The following NTN1 variants were observed in gnomAD, a reference collection of about 807,000 sequenced individuals.
NTN1 encodes netrin-1.
NTN1 carries 11 observed loss-of-function variants against 54.2 expected under a neutral mutation model. The observed-to-expected ratio is 0.20, with a 90% CI of 0.13 to 0.34. NTN1 has a LOEUF of 0.34. NTN1 is among the 10% of genes least tolerant of loss of function. The pLI, the probability that NTN1 is intolerant of heterozygous loss-of-function variation, is 1.00. For missense variants in NTN1, 740 were observed against 893.1 expected (o/e 0.83, Z 2.18); for synonymous variants, 371 against 382.0 (o/e 0.97, Z 0.33).
chr17:9,234,964 GTT>G (rs10650921), intron 6 of NTN1, among the ~76,000 whole-genome samples: 1 of 130,062 alleles, frequency 7.7e-6, no homozygotes. Flanking sequence ...TTGTTTTTTG[GTT>G]TTTTTTTTTT....
upstream of NTN1, among the ~76,000 whole-genome samples, chr17:9,017,944 A>G (rs1211013294): frequency 1.3e-5 from 2 of 152,196 alleles, no homozygotes; most frequent in Non-Finnish European, 2.9e-5. Flanking sequence ...AACTGGGAAC[A>G]TTTTGCCCAG....
rs74769332 is a variant in NTN1 at position 9,119,347 on chromosome 17, C to G, written c.1019-43466C>G. Among the ~76,000 whole-genome samples, 888 of 152,116 alleles carry G rather than the reference C, an allele frequency of 5.8e-3. 10 individuals carry two copies. Among genetic ancestry groups the G allele is most frequent in the African/African-American group, 0.02 (841 of 41,492 alleles). On this transcript the variant is annotated intron_variant, in intron 2 of 6. Transcript: ENST00000173229. The stretch of plus-strand genomic sequence containing the variant: ...GGATTACAGGCACACACCACCACTC[C>G]CAGCTAATTTTTGTATTTTAAGTAG...
At chr17:9,114,630 G>A (rs1262106510) in intron 2 of NTN1, among the ~76,000 whole-genome samples, 1 of 152,058 alleles carries the variant, frequency 6.6e-6, no homozygotes, top group East Asian at 1.9e-4. Flanking sequence ...GCGGGTGCCT[G>A]TAATCCCAGC....
At chr17:9,104,513 G>A (rs572858972) in intron 2 of NTN1, among the ~76,000 whole-genome samples, 1 of 152,300 alleles carries the variant, frequency 6.6e-6, no homozygotes, top group South Asian at 2.1e-4. Context: ...GCCCGGCAGG[G>A]GAGCTGTGAG....
At chr17:9,102,018 A>G (rs1161704301) in intron 2 of NTN1, among the ~76,000 whole-genome samples, 1 of 152,208 alleles carries the variant, frequency 6.6e-6, no homozygotes, top group Non-Finnish European at 1.5e-5. Context: ...AAGAGGAAAT[A>G]ATAAACATGA....
intron 2 of NTN1, among the ~76,000 whole-genome samples, chr17:9,105,662 C>T (rs963217166): frequency 5.4e-5 from 8 of 147,242 alleles, no homozygotes; most frequent in African/African-American, 2.0e-4. Context: ...CTCTCTCTTT[C>T]TCTCTCTCTC....
chr17:9,084,065 G>A (rs1394416787), intron 2 of NTN1, among the ~76,000 whole-genome samples: 2 of 146,360 alleles, frequency 1.4e-5, no homozygotes, highest in Non-Finnish European at 3.0e-5. Context: ...TCTTTTAGAT[G>A]GAAAGCTTCC....
chr17:9,078,318 G>T (rs1188950760), intron 2 of NTN1, among the ~76,000 whole-genome samples: 1 of 152,188 alleles, frequency 6.6e-6, no homozygotes, highest in Non-Finnish European at 1.5e-5. Context: ...GGGGCAGTGG[G>T]ATCGTTAGGA....
chr17:9,063,717 T>A (rs1304920628), intron 2 of NTN1, among the ~76,000 whole-genome samples: 1 of 152,046 alleles, frequency 6.6e-6, no homozygotes, highest in Non-Finnish European at 1.5e-5. Context: ...CTGGCTAATT[T>A]TTTTGTATTT....
chr17:9,030,543 G>A (rs1408655244), intron 2 of NTN1, among the ~76,000 whole-genome samples: 6 of 152,062 alleles, frequency 3.9e-5, no homozygotes, highest in Admixed American at 2.0e-4. Context: ...TCAGGAGTTC[G>A]AAACCAGTCT....
rs2091857209 is a variant in NTN1 at position 9,022,878 on chromosome 17, C to A, written c.505C>A (p.Arg169Ser). ...MAIYKSMDYG[R>S]TWVPFQFYST... ...CATCTACAAGTCCATGGACTACGGG[C>A]GCACGTGGGTGCCCTTCCAGTTCTA... Residue 169 changes from arginine to serine, a missense_variant, in exon 2 of 7, where the codon CGC (arginine) becomes AGC (serine). Coordinates refer to ENST00000173229, the MANE Select transcript of NTN1 (RefSeq NM_004822.3). The A allele has an allele frequency of 6.2e-7, 1 of 1,612,060 alleles. No homozygotes were observed. Among genetic ancestry groups the A allele is most frequent in the Non-Finnish European group, 8.5e-7 (1 of 1,179,894 alleles).
intron 2 of NTN1, among the ~76,000 whole-genome samples, chr17:9,156,220 T>TG (rs1431733838): frequency 1.3e-5 from 2 of 149,330 alleles, no homozygotes; most frequent in Non-Finnish European, 3.0e-5. Flanking sequence ...CAGCCTGCGA[T>TG]GGTGCCTGCG....
chr17:9,114,729 A>T (rs1259268377), intron 2 of NTN1, among the ~76,000 whole-genome samples: 1 of 152,302 alleles, frequency 6.6e-6, no homozygotes, highest in African/African-American at 2.4e-5. Flanking sequence ...ACTCCAGCCT[A>T]GGCAACAGAG....
At chr17:9,098,809 T>C (rs2092140228) in intron 2 of NTN1, among the ~76,000 whole-genome samples, 2 of 152,214 alleles carry the variant, frequency 1.3e-5, no homozygotes, top group African/African-American at 4.8e-5. Context: ...GGACAGCTTT[T>C]GTTTTTAACC....
At position 9,056,686 on chromosome 17, in the gene NTN1, A is replaced by G. The variant is rs564443001; in HGVS notation, c.1018+33295A>G. 3.9e-5 allele frequency among the ~76,000 whole-genome samples: 6 copies of G among 152,142 alleles called. 1 individual carries two copies. In the South Asian group the frequency reaches 6.2e-4, roughly 16 times the overall value. On this transcript the variant is annotated intron_variant, in intron 2 of 6. Transcript: ENST00000173229. Reference sequence around the variant, plus strand: ...GGCCGAGGAAGGGCACTCGTGTTCTATGAGCACCGTCCAGAATGAGGCCAC... The same window carrying G: ...GGCCGAGGAAGGGCACTCGTGTTCTGTGAGCACCGTCCAGAATGAGGCCAC...
At chr17:9,183,536 C>T in intron 5 of NTN1, 1 of 351,146 alleles carries the variant, frequency 2.8e-6, no homozygotes, top group East Asian at 8.5e-5. Flanking sequence ...GCGGTTTACA[C>T]ATCACATTCT....
At chr17:9,064,645 G>A (rs1252233975) in intron 2 of NTN1, among the ~76,000 whole-genome samples, 2 of 152,178 alleles carry the variant, frequency 1.3e-5, no homozygotes, top group Admixed American at 1.3e-4. Flanking sequence ...TGTATTTCAT[G>A]ACATCATTCA....
At chr17:9,038,806 A>G (rs1268696673) in intron 2 of NTN1, among the ~76,000 whole-genome samples, 1 of 152,024 alleles carries the variant, frequency 6.6e-6, no homozygotes, top group African/African-American at 2.4e-5. Context: ...AAATTTTTTT[A>G]AACTTACATT....
At chr17:9,172,480 A>G (rs1310895546) in intron 3 of NTN1, among the ~76,000 whole-genome samples, 1 of 151,932 alleles carries the variant, frequency 6.6e-6, no homozygotes, top group East Asian at 2.0e-4. Context: ...CTCCGTCTCA[A>G]AAAAAGAGAA....
Sources: gnomAD v4.1 joint callset for allele counts (sites outside exome capture counted in the v4.1 genomes callset) on GRCh38, gnomAD v4.1.1 for gene constraint, MANE v1.5 for transcripts, NCBI Gene and HGNC (gene_info 2026-07-23, HGNC 2026-07-21) for gene names.